The following SAMD5 variants were observed in gnomAD, a reference collection of about 807,000 sequenced individuals.
The protein encoded by SAMD5 is sterile alpha motif domain containing 5, also known as sterile alpha motif domain-containing protein 5.
A neutral mutation model predicts 11.3 loss-of-function variants in SAMD5; 13 were observed. The observed-to-expected ratio is 1.15, with a 90% CI of 0.75 to 1.83. The LOEUF (loss-of-function observed/expected upper bound fraction) is 1.83, where lower values mean the gene tolerates loss of function less well. Among genes scored for constraint, SAMD5 ranks in the 40% most tolerant of loss-of-function variants. SAMD5 has a pLI of 0.00. For synonymous variants in SAMD5, 129 were observed against 111.3 expected (o/e 1.16, Z -1.00); for missense variants, 255 against 239.1 (o/e 1.07, Z -0.44).
intron 1 of SAMD5, among the ~76,000 whole-genome samples, chr6:147,614,454 G>C (rs1489898620): frequency 6.8e-6 from 1 of 146,536 alleles, no homozygotes; most frequent in African/African-American, 2.7e-5. Context: ...GGGCGACAGA[G>C]CTAGACTCTG....
the SAMD5 span, among the ~76,000 whole-genome samples, chr6:147,853,083 A>C: frequency 6.6e-6 from 1 of 152,190 alleles, no homozygotes; most frequent in Non-Finnish European, 1.5e-5. Flanking sequence ...GATTGTACAG[A>C]TTCTGATGTC....
chr6:147,626,336 C>G (rs1227558315), intron 1 of SAMD5, among the ~76,000 whole-genome samples: 2 of 151,586 alleles, frequency 1.3e-5, no homozygotes, highest in Non-Finnish European at 2.9e-5. Flanking sequence ...TATTTTCTTA[C>G]TGCTAGAGGC....
chr6:147,617,419 T>C (rs1028207162), intron 1 of SAMD5, among the ~76,000 whole-genome samples: 1 of 152,236 alleles, frequency 6.6e-6, no homozygotes, highest in Non-Finnish European at 1.5e-5. Flanking sequence ...GCCTTTGGAA[T>C]TGTTTTGTGA....
the SAMD5 span, among the ~76,000 whole-genome samples, chr6:147,857,262 G>T: frequency 2.0e-5 from 3 of 151,638 alleles, no homozygotes; most frequent in East Asian, 5.8e-4. Context: ...CAGCACTTTG[G>T]GAGGCCAAGG....
chr6:147,750,421 A>C, the SAMD5 span, among the ~76,000 whole-genome samples: 358 of 152,278 alleles, frequency 2.4e-3, 1 homozygote, highest in Non-Finnish European at 4.0e-3. Context: ...TTAATTATTT[A>C]ATGTGTGTTT....
At chr6:147,909,632 C>CTCTCTCTCTCTCTCTTTCTTTCTTTCTT in the SAMD5 span, among the ~76,000 whole-genome samples, 4 of 61,174 alleles carry the variant, frequency 6.5e-5, no homozygotes, top group South Asian at 5.0e-4. Flanking sequence ...TTCTTTCTTT[C>CTCTCTCTCTCTCTCTTTCTTTCTTTCTT]TCTTTCTTGT....
chr6:147,552,238 C>A (rs974574469), intron 1 of SAMD5, among the ~76,000 whole-genome samples: 1 of 152,160 alleles, frequency 6.6e-6, no homozygotes, highest in Non-Finnish European at 1.5e-5. Flanking sequence ...AGAGGAAATA[C>A]AGCTATTCTG....
chr6:147,509,273 C>A lies in SAMD5; in HGVS notation c.345C>A (p.Thr115=), dbSNP rs776605821. ...GTRGDSRGHT[T]APRSRELVSY... is the part of the protein sequence containing the mutation. ...GCGGGGACTCTCGCGGCCACACGACCGCCCCCCGCAGCAGGGAGCTGGTGA... is the reference window on the plus strand; with the variant it reads ...GCGGGGACTCTCGCGGCCACACGACAGCCCCCCGCAGCAGGGAGCTGGTGA... The change falls in exon 1 of 2, where the codon ACC becomes ACA. Residue 115 remains threonine (T), a synonymous_variant. Coordinates refer to ENST00000367474, the MANE Select transcript of SAMD5 (RefSeq NM_001030060.3). 1 of 1,557,288 alleles carries A rather than the reference C, an allele frequency of 6.4e-7. No individual in the cohort carries two copies. The highest frequency in any genetic ancestry group is 1.2e-5 in the South Asian group (1 of 84,628).
downstream of SAMD5, among the ~76,000 whole-genome samples, chr6:147,740,252 C>T (rs1483347760): frequency 6.6e-6 from 1 of 152,104 alleles, no homozygotes; most frequent in Non-Finnish European, 1.5e-5. Flanking sequence ...AGTAAGCTAC[C>T]CAGAGATACG....
chr6:147,788,411 G>A, the SAMD5 span, among the ~76,000 whole-genome samples: 1 of 152,110 alleles, frequency 6.6e-6, no homozygotes, highest in Admixed American at 6.5e-5. Context: ...AGAGAAAATT[G>A]AAAGTAGGCT....
intron 1 of SAMD5, among the ~76,000 whole-genome samples, chr6:147,694,754 C>T (rs2128457314): frequency 6.6e-6 from 1 of 152,178 alleles, no homozygotes; most frequent in Non-Finnish European, 1.5e-5. Flanking sequence ...CAGGTCAAGG[C>T]TGCAGTGAGC....
chr6:147,744,409 A>C, the SAMD5 span, among the ~76,000 whole-genome samples: 1 of 152,242 alleles, frequency 6.6e-6, no homozygotes, highest in Non-Finnish European at 1.5e-5. Flanking sequence ...TAAAAGTGTA[A>C]CAAATGTTAA....
the SAMD5 span, among the ~76,000 whole-genome samples, chr6:147,808,497 C>T: frequency 1.3e-5 from 2 of 152,208 alleles, no homozygotes; most frequent in Non-Finnish European, 2.9e-5. Flanking sequence ...AGCCACTGCA[C>T]CCAGCCTGGT....
At chr6:147,944,980 C>T in the SAMD5 span, among the ~76,000 whole-genome samples, 4 of 152,266 alleles carry the variant, frequency 2.6e-5, no homozygotes, top group Middle Eastern at 3.4e-3. Flanking sequence ...AGACATATTC[C>T]GCAACTGAGA....
At chr6:147,765,755 A>G in the SAMD5 span, among the ~76,000 whole-genome samples, 4 of 152,214 alleles carry the variant, frequency 2.6e-5, no homozygotes, top group Admixed American at 6.5e-5. Context: ...ACAGATGTAC[A>G]TCAGATCTTC....
At chr6:147,879,554 T>A in the SAMD5 span, among the ~76,000 whole-genome samples, 1 of 152,234 alleles carries the variant, frequency 6.6e-6, no homozygotes, top group Admixed American at 6.5e-5. Context: ...CTTGAGAATT[T>A]CAATTGGCAA....
chr6:147,940,275 AAG>A, the SAMD5 span, among the ~76,000 whole-genome samples: 1 of 151,612 alleles, frequency 6.6e-6, no homozygotes, highest in African/African-American at 2.4e-5. Flanking sequence ...CTGAGAGGGA[AAG>A]AGAGACAGAG....
the SAMD5 span, among the ~76,000 whole-genome samples, chr6:147,915,570 T>G: frequency 6.6e-6 from 1 of 152,194 alleles, no homozygotes; most frequent in African/African-American, 2.4e-5. Context: ...GATAAGCCAT[T>G]GCGCATCAAG....
intron 1 of SAMD5, among the ~76,000 whole-genome samples, chr6:147,513,484 G>A (rs1042508762): frequency 1.3e-5 from 2 of 152,192 alleles, no homozygotes; most frequent in Non-Finnish European, 2.9e-5. Flanking sequence ...GGGCGAGAAA[G>A]ATATTGCCTT....
Sources: gnomAD v4.1 joint callset for allele counts (sites outside exome capture counted in the v4.1 genomes callset) on GRCh38, gnomAD v4.1.1 for gene constraint, MANE v1.5 for transcripts, NCBI Gene and HGNC (gene_info 2026-07-23, HGNC 2026-07-21) for gene names.